Variants in CHST8 observed in about 807,000 individuals in gnomAD.
CHST8 encodes GALNAC-4-ST1.
A neutral mutation model predicts 15.0 loss-of-function variants in CHST8; 10 were observed. The ratio of observed to expected loss-of-function variants is 0.67; its 90% CI spans 0.41 to 1.13. The LOEUF is 1.13. Ranked by LOEUF, CHST8 falls within the 50% of genes most tolerant of loss-of-function variation. The pLI is 0.00. For missense variants in CHST8, 634 were observed against 608.2 expected (o/e 1.04, Z -0.45); for synonymous variants, 259 against 256.6 (o/e 1.01, Z -0.09).
intron 3 of CHST8, among the ~76,000 whole-genome samples, chr19:33,741,157 C>T (rs1429965266): frequency 6.6e-6 from 1 of 152,212 alleles, no homozygotes; most frequent in African/African-American, 2.4e-5. Flanking sequence ...CCTGCTGCTG[C>T]TGTCAATCAT....
rs74375712 is a variant in CHST8 at position 33,682,661 on chromosome 19, G to A, written c.-86-6515G>A. Among the ~76,000 whole-genome samples the A allele has an allele frequency of 4.5e-3, 685 of 152,328 alleles. 2 individuals carry two copies. The highest frequency in any genetic ancestry group is 6.9e-3 in the Non-Finnish European group (472 of 68,028). On this transcript the variant is annotated intron_variant, in intron 2 of 4. Transcript: ENST00000650847. ...AAGTGGAATTATACAGTATTTGTCC[G>A]TTTGTGTCTGGCTTGCTTCACTTAA...
chr19:33,640,641 A>G (rs1972271703), intron 1 of CHST8, among the ~76,000 whole-genome samples: 1 of 152,242 alleles, frequency 6.6e-6, no homozygotes. Context: ...TGTTATTACA[A>G]AATTGAAATG....
chr19:33,766,227 C>A (rs2145388412), intron 3 of CHST8, among the ~76,000 whole-genome samples: 1 of 152,034 alleles, frequency 6.6e-6, no homozygotes. Flanking sequence ...CTACCTCTCC[C>A]TTCCCTCTCT....
At chr19:33,661,381 G>T (rs1039622874) in intron 1 of CHST8, among the ~76,000 whole-genome samples, 1 of 152,222 alleles carries the variant, frequency 6.6e-6, no homozygotes, top group Admixed American at 6.5e-5. Context: ...CTGAACTGAG[G>T]TTGAGCTCAT....
At chr19:33,657,356 C>T (rs2145217631) in intron 1 of CHST8, among the ~76,000 whole-genome samples, 1 of 151,806 alleles carries the variant, frequency 6.6e-6, no homozygotes, top group African/African-American at 2.4e-5. Flanking sequence ...GCAACCTCCA[C>T]CTCCCAGGTT....
At chr19:33,632,746 CTTGT>C (rs1972138025) in intron 1 of CHST8, among the ~76,000 whole-genome samples, 1 of 112,312 alleles carries the variant, frequency 8.9e-6, no homozygotes, top group African/African-American at 3.2e-5. Flanking sequence ...ATTGGTTTTC[CTTGT>C]GTGTGTGTGT....
chr19:33,750,013 C>T (rs1367814499), intron 3 of CHST8, among the ~76,000 whole-genome samples: 1 of 152,218 alleles, frequency 6.6e-6, no homozygotes, highest in Non-Finnish European at 1.5e-5. Context: ...TAGGTGTGGT[C>T]CAGGAAGCTG....
intron 3 of CHST8, among the ~76,000 whole-genome samples, chr19:33,739,296 A>G (rs1274070101): frequency 1.3e-5 from 2 of 152,264 alleles, no homozygotes; most frequent in South Asian, 2.1e-4. Context: ...GTTAACAAGC[A>G]GAGGAAAATT....
At chr19:33,757,510 GAAAGA>G (rs1974606913) in intron 3 of CHST8, among the ~76,000 whole-genome samples, 1 of 48,978 alleles carries the variant, frequency 2.0e-5, no homozygotes, top group Non-Finnish European at 4.0e-5. Context: ...AAGAAAGAAA[GAAAGA>G]AAGAAAGAGA....
At chr19:33,720,134 A>C (rs754267557) in intron 3 of CHST8, among the ~76,000 whole-genome samples, 2 of 152,136 alleles carry the variant, frequency 1.3e-5, no homozygotes, top group Non-Finnish European at 2.9e-5. Context: ...GGGCATGGGC[A>C]GCTCCTCATA....
chr19:33,679,506 G>A (rs1027712349), intron 2 of CHST8, among the ~76,000 whole-genome samples: 17 of 152,324 alleles, frequency 1.1e-4, no homozygotes, highest in East Asian at 7.7e-4. Flanking sequence ...ACACGCATGC[G>A]TGTCTGTTGC....
intron 1 of CHST8, among the ~76,000 whole-genome samples, chr19:33,640,215 C>T (rs1269043437): frequency 6.6e-6 from 1 of 152,160 alleles, no homozygotes; most frequent in African/African-American, 2.4e-5. Context: ...TGGGGGTGAC[C>T]ACGGCCAGGA....
At chr19:33,670,461 C>T (rs1972722681) in intron 2 of CHST8, among the ~76,000 whole-genome samples, 1 of 152,236 alleles carries the variant, frequency 6.6e-6, no homozygotes, top group Non-Finnish European at 1.5e-5. Flanking sequence ...TTTGCAGACA[C>T]AGCGTAAACA....
intron 3 of CHST8, among the ~76,000 whole-genome samples, chr19:33,690,738 C>T (rs528455274): frequency 5.9e-5 from 9 of 152,358 alleles, no homozygotes; most frequent in Non-Finnish European, 1.3e-4. Context: ...AGCCGGCTCT[C>T]CTGTGGGAGC....
chr19:33,766,451 C>T (rs1180851898), intron 3 of CHST8, among the ~76,000 whole-genome samples: 2 of 152,228 alleles, frequency 1.3e-5, no homozygotes, highest in African/African-American at 4.8e-5. Context: ...TGTAGCTCAG[C>T]ACTGCACTGT....
chr19:33,660,992 G>A (rs1972578299), intron 1 of CHST8, among the ~76,000 whole-genome samples: 1 of 152,146 alleles, frequency 6.6e-6, no homozygotes, highest in Admixed American at 6.5e-5. Context: ...TGTGTGTTTG[G>A]TGGCCTGGGG....
intron 3 of CHST8, among the ~76,000 whole-genome samples, chr19:33,702,923 G>A (rs564741533): frequency 3.3e-5 from 5 of 152,384 alleles, no homozygotes; most frequent in African/African-American, 1.2e-4. Flanking sequence ...TGAGCCCAAG[G>A]AGGACTGAAG....
At chr19:33,741,937 G>A (rs1050326361) in intron 3 of CHST8, among the ~76,000 whole-genome samples, 3 of 152,066 alleles carry the variant, frequency 2.0e-5, no homozygotes, top group Admixed American at 6.6e-5. Flanking sequence ...CCAGATGGGA[G>A]TCTGTGAACC....
chr19:33,725,055 G>A (rs1199635339), intron 3 of CHST8, among the ~76,000 whole-genome samples: 3 of 152,176 alleles, frequency 2.0e-5, no homozygotes, highest in Non-Finnish European at 4.4e-5. Flanking sequence ...GTGTGTGCAA[G>A]TGCAAGCATA....
Sources: allele counts gnomAD v4.1 joint callset (sites outside exome capture counted in the v4.1 genomes callset), GRCh38; gene constraint gnomAD v4.1.1; transcripts MANE v1.5; gene names NCBI Gene and HGNC (gene_info 2026-07-23, HGNC 2026-07-21).